Variants in UNC13C observed in about 807,000 individuals in gnomAD.
UNC13C encodes the protein unc-13 homolog C, also known as protein unc-13 homolog C.
A neutral mutation model predicts 245.4 loss-of-function variants in UNC13C; 174 were observed. That is an observed-to-expected ratio of 0.71 (90% CI 0.63 to 0.80). UNC13C has a LOEUF of 0.80. Among genes scored for constraint, UNC13C ranks in the 30% least tolerant of loss-of-function variants. The pLI, the probability that UNC13C is intolerant of heterozygous loss-of-function variation, is 0.00. For missense variants in UNC13C, 2,829 were observed against 2,602.9 expected (o/e 1.09, Z -1.89); for synonymous variants, 992 against 895.1 (o/e 1.11, Z -1.93).
intron 8 of UNC13C, among the ~76,000 whole-genome samples, chr15:54,260,781 CCTT>C (rs1214413611): frequency 1.3e-5 from 2 of 148,988 alleles, no homozygotes; most frequent in Admixed American, 6.7e-5. Context: ...CAATATTCTT[CCTT>C]CTATTTTTAG....
intron 18 of UNC13C, among the ~76,000 whole-genome samples, chr15:54,402,258 C>G (rs1277753219): frequency 1.3e-4 from 19 of 151,992 alleles, no homozygotes; most frequent in Admixed American, 1.2e-3. Flanking sequence ...AATTTAAAAA[C>G]TGTTACTCAT....
intron 30 of UNC13C, among the ~76,000 whole-genome samples, chr15:54,583,290 AATGAAAACTATTT>A (rs558783229): frequency 1.3e-5 from 2 of 152,336 alleles, no homozygotes; most frequent in South Asian, 4.1e-4. Context: ...ATATAGAGTC[AATGAAAACTATTT>A]TTTTTCCAAA....
chr15:54,464,722 A>C (rs758304970), intron 19 of UNC13C, among the ~76,000 whole-genome samples: 5 of 152,130 alleles, frequency 3.3e-5, no homozygotes, highest in Non-Finnish European at 5.9e-5. Context: ...TGCTCCAGAT[A>C]AATTCAGATT....
At chr15:54,597,229 C>T (rs897065941) in intron 30 of UNC13C, among the ~76,000 whole-genome samples, 1 of 152,190 alleles carries the variant, frequency 6.6e-6, no homozygotes, top group African/African-American at 2.4e-5. Flanking sequence ...TCCTGCTGTG[C>T]AGCCCAGTTC....
At chr15:54,447,494 G>T (rs1029115500) in intron 19 of UNC13C, among the ~76,000 whole-genome samples, 1 of 152,154 alleles carries the variant, frequency 6.6e-6, no homozygotes, top group Non-Finnish European at 1.5e-5. Context: ...TCCTGGTTTA[G>T]TCTTGGGAGG....
chr15:54,230,246 A>G (rs989642823), intron 4 of UNC13C, among the ~76,000 whole-genome samples: 1 of 152,094 alleles, frequency 6.6e-6, no homozygotes, highest in African/African-American at 2.4e-5. Context: ...AGCATCACCA[A>G]CACTTGTTAT....
At chr15:54,561,632 G>A (rs1897301933) in intron 29 of UNC13C, among the ~76,000 whole-genome samples, 1 of 151,980 alleles carries the variant, frequency 6.6e-6, no homozygotes, top group Admixed American at 6.6e-5. Flanking sequence ...TGTAAAATGA[G>A]GTTGATGGGA....
At chr15:54,407,362 A>G (rs547219078) in intron 18 of UNC13C, among the ~76,000 whole-genome samples, 1 of 152,274 alleles carries the variant, frequency 6.6e-6, no homozygotes, top group Admixed American at 6.5e-5. Context: ...GACACTGTGG[A>G]TCGTGGCAGA....
the UNC13C span, among the ~76,000 whole-genome samples, chr15:53,956,235 C>T: frequency 2.0e-5 from 3 of 152,066 alleles, no homozygotes; most frequent in Non-Finnish European, 4.4e-5. Flanking sequence ...ATGGTCAGTT[C>T]TTTGGTGATA....
intron 17 of UNC13C, among the ~76,000 whole-genome samples, chr15:54,380,157 C>T (rs1041874405): frequency 6.6e-6 from 1 of 151,634 alleles, no homozygotes; most frequent in Non-Finnish European, 1.5e-5. Context: ...ACCCTAACCA[C>T]CCCTGCCCCT....
upstream of UNC13C, among the ~76,000 whole-genome samples, chr15:53,977,077 C>T (rs1395402212): frequency 6.6e-6 from 1 of 152,144 alleles, no homozygotes; most frequent in East Asian, 1.9e-4. Context: ...TAAGACTGCC[C>T]TGGTACTTGC....
intron 4 of UNC13C, among the ~76,000 whole-genome samples, chr15:54,149,166 C>G (rs1026343580): frequency 3.9e-5 from 6 of 152,158 alleles, no homozygotes; most frequent in Non-Finnish European, 7.3e-5. Flanking sequence ...TGGCTTCTAC[C>G]AGGATTTTAC....
chr15:54,232,207 G>C (rs1237714197), intron 4 of UNC13C, among the ~76,000 whole-genome samples: 1 of 152,062 alleles, frequency 6.6e-6, no homozygotes, highest in Non-Finnish European at 1.5e-5. Context: ...ACCTGAGAAG[G>C]CTATGTTTTG....
intron 4 of UNC13C, among the ~76,000 whole-genome samples, chr15:54,203,192 G>A (rs1382033826): frequency 6.6e-6 from 1 of 151,804 alleles, no homozygotes; most frequent in South Asian, 2.1e-4. Context: ...TGTTGGTGGG[G>A]ATGCAGTGAA....
chr15:53,866,688 C>T, the UNC13C span, among the ~76,000 whole-genome samples: 1 of 152,150 alleles, frequency 6.6e-6, no homozygotes, highest in Non-Finnish European at 1.5e-5. Flanking sequence ...AAATTCAAGA[C>T]ATTGAAGCTA....
At chr15:54,066,871 A>G (rs1226743204) in intron 2 of UNC13C, among the ~76,000 whole-genome samples, 1 of 152,168 alleles carries the variant, frequency 6.6e-6, no homozygotes, top group Admixed American at 6.6e-5. Flanking sequence ...CCACAGAAAT[A>G]TCTAAATTTA....
intron 10 of UNC13C, among the ~76,000 whole-genome samples, chr15:54,271,185 C>T (rs2036679571): frequency 6.6e-6 from 1 of 152,074 alleles, no homozygotes; most frequent in African/African-American, 2.4e-5. Context: ...AGAGGCATAA[C>T]CAATTAAGCC....
the UNC13C span, among the ~76,000 whole-genome samples, chr15:53,896,911 C>A: frequency 6.6e-6 from 1 of 152,172 alleles, no homozygotes; most frequent in African/African-American, 2.4e-5. Context: ...TCCTGGATGA[C>A]CTACCTCCTA....
At chr15:54,127,244 A>G (rs1295132490) in intron 2 of UNC13C, among the ~76,000 whole-genome samples, 4 of 152,216 alleles carry the variant, frequency 2.6e-5, no homozygotes, top group African/African-American at 9.6e-5. Context: ...TACGATAAAG[A>G]CACATGCACA....
Sources: allele counts gnomAD v4.1 joint callset (sites outside exome capture counted in the v4.1 genomes callset), GRCh38; gene constraint gnomAD v4.1.1; transcripts MANE v1.5; gene names NCBI Gene and HGNC (gene_info 2026-07-23, HGNC 2026-07-21).